The following HPS1 variants were observed in gnomAD, a reference collection of about 807,000 sequenced individuals.
HPS1 encodes BLOC-3 complex member HPS1.
Under a neutral mutation model 90.6 loss-of-function variants are expected in HPS1, and 59 were observed. The ratio of observed to expected loss-of-function variants is 0.65; its 90% CI spans 0.53 to 0.81. The LOEUF is 0.81. HPS1 is among the 30% of genes least tolerant of loss of function. The pLI is 0.00. For synonymous variants in HPS1, 388 were observed against 384.4 expected, an observed-to-expected ratio of 1.01 and a Z score of -0.11; for missense variants, 849 against 896.7, an observed-to-expected ratio of 0.95 and a Z score of 0.68.
At position 98,434,238 on chromosome 10, in the gene HPS1, T is replaced by A. The variant is rs1846963974; in HGVS notation, c.399-147A>T. ...CACAGCTGGGAAAGGGGGCCAGGTT[T>A]CCGGCCGAGCTCTAACTGTGGAGTG... On this transcript the variant is annotated intron_variant, in intron 5 of 19. Transcript: ENST00000361490. The A allele has an allele frequency of 2.9e-5, 23 of 804,296 alleles. No individual in the cohort carries two copies. The South Asian group carries it at 4.2e-4, about 15-fold the overall frequency. The allele number at this position is 804,296 out of a possible 1,614,324, so 49.8% of individuals were successfully genotyped here. A position where few individuals can be genotyped will look rare whatever the true frequency, so the allele number is the denominator to read the frequency against.
At chr10:98,420,591 C>G (rs1844720837) in intron 17 of HPS1, among the ~76,000 whole-genome samples, 2 of 152,082 alleles carry the variant, frequency 1.3e-5, no homozygotes, top group Admixed American at 6.5e-5. Flanking sequence ...TAGCACACAC[C>G]TGTAGTCCCA....
downstream of HPS1, chr10:98,415,151 G>T: frequency 1.2e-6 from 2 of 1,609,908 alleles, no homozygotes; most frequent in Non-Finnish European, 1.7e-6. Flanking sequence ...CCCCAGGCTG[G>T]GCCTTGCTAG....
chr10:98,421,973 CACACAG>C, intron 17 of HPS1, among the ~76,000 whole-genome samples: 1 of 129,768 alleles, frequency 7.7e-6, no homozygotes, highest in Middle Eastern at 3.6e-3. Flanking sequence ...AGAACACACA[CACACAG>C]ACACACACAC....
intron 18 of HPS1, 123 bp from the exon 19 acceptor site, chr10:98,418,380 G>C: frequency 1.9e-6 from 1 of 523,834 alleles, no homozygotes; most frequent in Non-Finnish European, 3.5e-6. Context: ...AAAATGCCTG[G>C]ACCTTGTTTT....
At position 98,429,507 on chromosome 10, in the gene HPS1, G is replaced by C. The variant is rs1564845625; in HGVS notation, c.937+66C>G. The C allele has an allele frequency of 3.7e-6, 6 of 1,612,826 alleles. No individual in the cohort carries two copies. The African/African-American group carries it at 6.7e-5, about 18-fold the overall frequency. ...CGGGGGTCCACTGGAGCCTAAGACA[G>C]ATGTCCTGGGCTGCCTGTCGCTCGC... is the stretch of plus-strand genomic sequence containing the variant. On this transcript the variant is annotated intron_variant, in intron 10 of 19. Transcript: ENST00000361490.
intron 2 of HPS1, among the ~76,000 whole-genome samples, chr10:98,444,570 C>T (rs1244398647): frequency 2.0e-5 from 3 of 152,194 alleles, no homozygotes; most frequent in Admixed American, 1.3e-4. Context: ...TTAGGAAGCT[C>T]TGCTGTAACT....
Position 98,435,059 on chromosome 10 carries a change from G to A in HPS1, c.398+213C>T, listed in dbSNP as rs1847111186. The A allele has an allele frequency of 1.7e-6, 1 of 598,818 alleles. No homozygotes were observed. 37.1% of individuals were successfully genotyped at this position (598,818 alleles called of 1,614,324 possible). A position where few individuals can be genotyped will look rare whatever the true frequency, so the allele number is the denominator to read the frequency against. On this transcript the variant is annotated intron_variant, in intron 5 of 19. Transcript: ENST00000361490. The surrounding 1 kb of genome is among the most constrained non-coding windows in gnomAD (Gnocchi z 4.3). ...CAACCAGCTAGATGACCCCAGGCAA[G>A]TGAGTTCCATTCTCTGCTCTGTTTC...
intron 14 of HPS1, 32 bp downstream of exon 14, chr10:98,424,281 A>T: frequency 6.4e-7 from 1 of 1,565,570 alleles, no homozygotes; most frequent in East Asian, 2.2e-5. Context: ...TGGGCACACG[A>T]CCCACCCCTT....
chr10:98,433,931 C>A, intron 6 of HPS1, 52 bp downstream of exon 6: 1 of 1,548,372 alleles, frequency 6.5e-7, no homozygotes, highest in East Asian at 2.4e-5. Context: ...GGTGGACGCC[C>A]CCTCTGACCT....
In HPS1 at chr10:98,435,741, A is replaced by G; in HGVS notation, c.149T>C (p.Leu50Pro). The G allele has an allele frequency of 1.2e-6, 2 of 1,614,084 alleles. No individual in the cohort carries two copies. The highest frequency in any genetic ancestry group is 1.7e-6 in the Non-Finnish European group (2 of 1,180,006). Reference sequence around the variant, plus strand: ...GGAGGAGATGATGACCGGGGCTAGGAGGGTGCTGAGCTGGTCCTCCAGGGC... The same window carrying G: ...GGAGGAGATGATGACCGGGGCTAGGGGGGTGCTGAGCTGGTCCTCCAGGGC... Reference protein sequence around the residue: ...LPALEDQLSTLLAPVIISSMT... With the variant: ...LPALEDQLSTPLAPVIISSMT... The change falls in exon 4 of 20, where the codon CTC becomes CCC. Residue 50 changes from leucine (L) to proline (P), a missense_variant. Coordinates refer to ENST00000361490, the MANE Select transcript of HPS1 (RefSeq NM_000195.5). This position sits in a 1 kb window ranked among gnomAD's most constrained non-coding sequence, Gnocchi z 4.3.
chr10:98,436,507 G>A (rs1449975592), intron 3 of HPS1, among the ~76,000 whole-genome samples: 1 of 152,088 alleles, frequency 6.6e-6, no homozygotes, highest in Non-Finnish European at 1.5e-5. Flanking sequence ...GTATGTTTCT[G>A]TACTTTTCCT....
intron 8 of HPS1, among the ~76,000 whole-genome samples, chr10:98,430,353 C>T (rs1210663002): frequency 6.6e-6 from 1 of 152,164 alleles, no homozygotes; most frequent in Non-Finnish European, 1.5e-5. Flanking sequence ...CCATGGCTGA[C>T]TTGAAAAATC....
At chr10:98,433,060 C>T (rs186740401) in intron 6 of HPS1, among the ~76,000 whole-genome samples, 110 of 151,990 alleles carry the variant, frequency 7.2e-4, no homozygotes, top group African/African-American at 2.2e-3. Flanking sequence ...AGTGAAACCC[C>T]GTCTCTACTA....
intron 11 of HPS1, chr10:98,426,245 T>C: frequency 3.9e-6 from 2 of 511,860 alleles, no homozygotes; most frequent in East Asian, 6.8e-5. Context: ...AGGGGCTGGG[T>C]GGTGGCACAG....
chr10:98,427,166 G>C (rs1227946199), intron 11 of HPS1, 49 bp downstream of exon 11: 1 of 1,472,346 alleles, frequency 6.8e-7, no homozygotes, highest in Non-Finnish European at 9.3e-7. Flanking sequence ...AATACTCACT[G>C]CGGCATCTCA....
At chr10:98,443,387 G>C in intron 2 of HPS1, 147 bp from the exon 3 acceptor site, 1 of 755,198 alleles carries the variant, frequency 1.3e-6, no homozygotes, top group Non-Finnish European at 2.4e-6. Flanking sequence ...CATTTTTGTT[G>C]CACCCTCACA....
chr10:98,425,726 G>A lies in HPS1; in HGVS notation c.1156-6C>T. 1 of 1,607,332 alleles carries A rather than the reference G, an allele frequency of 6.2e-7. No individual in the cohort carries two copies. Among genetic ancestry groups the A allele is most frequent in the South Asian group, 1.1e-5 (1 of 90,700 alleles). ...GCCAGGGGCGCGCTGGGGCTCTGAGGGTAAGGGCCGAGAGGCGGGTGAACG... is the reference window on the plus strand; with the variant it reads ...GCCAGGGGCGCGCTGGGGCTCTGAGAGTAAGGGCCGAGAGGCGGGTGAACG... On this transcript the variant is annotated splice_polypyrimidine_tract_variant and splice_region_variant and intron_variant, in intron 12 of 19. Coordinates refer to ENST00000361490, the MANE Select transcript of HPS1 (RefSeq NM_000195.5).
Position 98,435,585 on chromosome 10 carries a change from C to T in HPS1, c.255+50G>A. On this transcript the variant is annotated intron_variant, in intron 4 of 19. Transcript: ENST00000361490. The surrounding 1 kb of genome is among the most constrained non-coding windows in gnomAD (Gnocchi z 4.3). ...CCAAATAAGAGAGGCCTGTGGACTC[C>T]CCATCAAGCTGAGGGAAGAGGAACA... 1 of 1,612,792 alleles carries T rather than the reference C, an allele frequency of 6.2e-7. No individual in the cohort carries two copies. The highest frequency in any genetic ancestry group is 8.5e-7 in the Non-Finnish European group (1 of 1,178,992).
chr10:98,427,152 C>T, intron 11 of HPS1, 63 bp downstream of exon 11: 1 of 1,376,940 alleles, frequency 7.3e-7, no homozygotes, highest in Non-Finnish European at 1.0e-6. Flanking sequence ...CCCTCAGAGC[C>T]CCCAATACTC....
Sources: gnomAD v4.1 joint callset for allele counts (sites outside exome capture counted in the v4.1 genomes callset) on GRCh38, gnomAD v4.1.1 for gene constraint, Gnocchi (gnomAD v3.1) non-coding constraint, MANE v1.5 for transcripts, NCBI Gene and HGNC (gene_info 2026-07-23, HGNC 2026-07-21) for gene names.